SLC35F4: variants seen among roughly 807,000 people sequenced by gnomAD.
SLC35F4 encodes the protein chromosome 14 open reading frame 36.
A neutral mutation model predicts 44.2 loss-of-function variants in SLC35F4; 24 were observed. The ratio of observed to expected loss-of-function variants is 0.54; its 90% CI spans 0.39 to 0.76. The LOEUF (loss-of-function observed/expected upper bound fraction) is 0.76, where lower values mean the gene tolerates loss of function less well. Ranked by LOEUF, SLC35F4 falls within the 30% of genes least tolerant of loss-of-function variation. The pLI is 0.00. For synonymous variants in SLC35F4, 238 were observed against 223.6 expected (o/e 1.06, Z -0.57); for missense variants, 562 against 586.1 (o/e 0.96, Z 0.42).
intron 1 of SLC35F4, among the ~76,000 whole-genome samples, chr14:57,643,215 T>C (rs2073330244): frequency 6.6e-6 from 1 of 152,018 alleles, no homozygotes; most frequent in Admixed American, 6.6e-5. Flanking sequence ...TGACAGCTAA[T>C]GATTTGACCA....
intron 1 of SLC35F4, among the ~76,000 whole-genome samples, chr14:57,813,023 A>G (rs1400436670): frequency 6.6e-6 from 1 of 152,214 alleles, no homozygotes; most frequent in Non-Finnish European, 1.5e-5. Context: ...TTCTCAGAGC[A>G]ATAGTATGAT....
At chr14:57,693,335 T>G (rs1391098553) in intron 1 of SLC35F4, among the ~76,000 whole-genome samples, 1 of 152,206 alleles carries the variant, frequency 6.6e-6, no homozygotes, top group Non-Finnish European at 1.5e-5. Flanking sequence ...AAACTGGCCA[T>G]ATACAAAATC....
chr14:57,900,540 T>C lies in SLC35F4; in HGVS notation n.282+81373A>G, dbSNP rs146113867. Among the ~76,000 whole-genome samples the C allele has an allele frequency of 7.9e-4, 121 of 152,338 alleles. 1 individual carries two copies. Among genetic ancestry groups the C allele is most frequent in the Middle Eastern group, 3.4e-3 (1 of 294 alleles). ...TATTGGGAAGCCACACAGAAAAACA[T>C]TGGCTAAATATTTTAATAAAAACAT... On this transcript the variant is annotated intron_variant and non_coding_transcript_variant, in intron 1 of 1. Transcript: ENST00000556568.
intron 1 of SLC35F4, among the ~76,000 whole-genome samples, chr14:57,669,756 C>T (rs911757005): frequency 2.6e-5 from 4 of 151,970 alleles, no homozygotes; most frequent in African/African-American, 9.7e-5. Flanking sequence ...AGGATTTTTG[C>T]ATCAATGTTC....
chr14:57,901,775 T>G (rs749324278), intron 1 of SLC35F4, among the ~76,000 whole-genome samples: 7 of 152,246 alleles, frequency 4.6e-5, no homozygotes, highest in Non-Finnish European at 1.0e-4. Context: ...CTTCCACGTA[T>G]GCTATATCAT....
At chr14:57,659,086 G>A (rs1394065088) in intron 1 of SLC35F4, among the ~76,000 whole-genome samples, 1 of 152,164 alleles carries the variant, frequency 6.6e-6, no homozygotes, top group African/African-American at 2.4e-5. Flanking sequence ...TAAATCAGAA[G>A]AATTCAGAAA....
chr14:57,748,208 G>T (rs2076803449), intron 1 of SLC35F4, among the ~76,000 whole-genome samples: 1 of 152,070 alleles, frequency 6.6e-6, no homozygotes, highest in African/African-American at 2.4e-5. Flanking sequence ...TCACTGGTAG[G>T]TTAGAAAAAT....
intron 1 of SLC35F4, chr14:57,596,986 A>G: frequency 1.2e-6 from 1 of 858,820 alleles, no homozygotes; most frequent in Admixed American, 2.8e-5. Context: ...GGGCCATGAT[A>G]CAATTATCTC....
intron 1 of SLC35F4, among the ~76,000 whole-genome samples, chr14:57,947,678 T>G (rs868298843): frequency 2.0e-5 from 3 of 152,228 alleles, no homozygotes; most frequent in Admixed American, 6.5e-5. Flanking sequence ...TAGATGGCTT[T>G]TATTACCTTG....
chr14:57,893,852 T>A (rs1376791325), intron 1 of SLC35F4, among the ~76,000 whole-genome samples: 1 of 151,174 alleles, frequency 6.6e-6, no homozygotes, highest in Non-Finnish European at 1.5e-5. Flanking sequence ...ACGTTCTGAG[T>A]ATATTTCAGT....
intron 1 of SLC35F4, among the ~76,000 whole-genome samples, chr14:57,957,434 C>CAA (rs59335089): frequency 0.36 from 52,886 of 147,920 alleles, 9,632 homozygotes; most frequent in East Asian, 0.7. Context: ...ACTTAAAGTA[C>CAA]AAAAAAAAAA....
intron 1 of SLC35F4, among the ~76,000 whole-genome samples, chr14:57,686,924 G>T (rs1239898358): frequency 6.6e-6 from 1 of 151,934 alleles, no homozygotes; most frequent in Non-Finnish European, 1.5e-5. Context: ...GAATGTGATA[G>T]TATTTAGAGA....
chr14:57,681,000 G>A (rs190165072), intron 1 of SLC35F4, among the ~76,000 whole-genome samples: 22,413 of 151,526 alleles, frequency 0.15, 1,867 homozygotes, highest in East Asian at 0.29. Flanking sequence ...GACTTTCTGC[G>A]AAGAATTGGA....
intron 1 of SLC35F4, among the ~76,000 whole-genome samples, chr14:57,690,300 T>A (rs527917267): frequency 6.6e-6 from 1 of 152,188 alleles, no homozygotes; most frequent in African/African-American, 2.4e-5. Context: ...TATGTTCTCA[T>A]GGCACTATTA....
rs79158103 is a variant in SLC35F4, at chr14:57,978,563, G to A, written n.152-1606C>T. Among the ~76,000 whole-genome samples, 1,521 of 152,266 alleles carry A rather than the reference G, an allele frequency of 1.0e-2. 22 individuals carry two copies. The highest frequency in any genetic ancestry group is 0.035 in the African/African-American group (1,453 of 41,534). On this transcript the variant is annotated intron_variant and non_coding_transcript_variant, in intron 1 of 1. Coordinates refer to the SLC35F4 transcript ENST00000554648. ...GAATGGTATACATGGCTTGTTAAAG[G>A]CTCAGCTGTGACACCAGCTCAGGCA...
intron 1 of SLC35F4, among the ~76,000 whole-genome samples, chr14:57,900,152 G>A (rs1443375343): frequency 6.6e-6 from 1 of 152,232 alleles, no homozygotes; most frequent in East Asian, 1.9e-4. Flanking sequence ...GCACTGTTTG[G>A]TGCATTTTAC....
At chr14:57,769,286 C>G (rs1441819521) in intron 1 of SLC35F4, among the ~76,000 whole-genome samples, 1 of 152,096 alleles carries the variant, frequency 6.6e-6, no homozygotes, top group African/African-American at 2.4e-5. Context: ...TGGGTCTGAG[C>G]ACCCTCCTTT....
Position 57,670,986 on chromosome 14 carries a change from C to A in SLC35F4, c.104-76862G>T, listed in dbSNP as rs901640214. Among the ~76,000 whole-genome samples, 4 of 146,232 alleles carry A rather than the reference C, an allele frequency of 2.7e-5. No homozygotes were observed. In the East Asian group the frequency reaches 8.2e-4, roughly 30 times the overall value. ...GTGGCATGGTCTCAGCTCACTGCAA[C>A]CTCCGCCTCCCGGGTTCAAGCGGTT... On this transcript the variant is annotated intron_variant, in intron 1 of 7. Transcript: ENST00000556826.
intron 1 of SLC35F4, among the ~76,000 whole-genome samples, chr14:57,932,483 T>C (rs1889715772): frequency 6.6e-6 from 1 of 152,240 alleles, no homozygotes; most frequent in Admixed American, 6.5e-5. Context: ...CAAAGATACT[T>C]GTTAAGTGCC....
Sources: allele counts gnomAD v4.1 joint callset (sites outside exome capture counted in the v4.1 genomes callset), GRCh38; gene constraint gnomAD v4.1.1; transcripts MANE v1.5; gene names NCBI Gene and HGNC (gene_info 2026-07-23, HGNC 2026-07-21).